Variants in NELL1 observed in about 807,000 individuals in gnomAD.
NELL1 encodes the protein protein kinase C-binding protein NELL1.
A neutral mutation model predicts 107.4 loss-of-function variants in NELL1; 76 were observed. The observed-to-expected ratio is 0.71, with a 90% CI of 0.59 to 0.86. The LOEUF (loss-of-function observed/expected upper bound fraction) is 0.86, where lower values mean the gene tolerates loss of function less well. Among genes scored for constraint, NELL1 ranks in the 40% least tolerant of loss-of-function variants. NELL1 has a pLI of 0.00. For missense variants in NELL1, 1,024 were observed against 1,005.5 expected (o/e 1.02, Z -0.25); for synonymous variants, 353 against 341.2 (o/e 1.03, Z -0.38).
intron 12 of NELL1, among the ~76,000 whole-genome samples, chr11:21,066,555 A>T (rs1490443890): frequency 4.6e-5 from 7 of 152,218 alleles, no homozygotes; most frequent in Non-Finnish European, 1.5e-5. Context: ...CAGCTCACTA[A>T]TCTGTGAAAT....
intron 12 of NELL1, among the ~76,000 whole-genome samples, chr11:21,098,445 A>G (rs1854709728): frequency 1.3e-5 from 2 of 152,176 alleles, no homozygotes; most frequent in Non-Finnish European, 2.9e-5. Flanking sequence ...GCTCCTGGGC[A>G]GCTGAGCTCC....
intron 11 of NELL1, among the ~76,000 whole-genome samples, chr11:20,954,385 T>A (rs1231133962): frequency 6.6e-6 from 1 of 152,174 alleles, no homozygotes; most frequent in East Asian, 1.9e-4. Context: ...CCTATCAAGT[T>A]TCTACCTATT....
At chr11:21,441,332 TGTGTGTGTGTGTGTGTGTGTGTGTG>T (rs1853279349) in intron 15 of NELL1, among the ~76,000 whole-genome samples, 2 of 104,196 alleles carry the variant, frequency 1.9e-5, no homozygotes, top group South Asian at 2.9e-4. Context: ...GGCTGTGACG[TGTGTGTGTGTGTGTGTGTGTGTGTG>T]TGTGTGTGTG....
At chr11:20,848,925 T>C (rs1051418470) in intron 4 of NELL1, among the ~76,000 whole-genome samples, 3 of 152,226 alleles carry the variant, frequency 2.0e-5, no homozygotes, top group African/African-American at 7.2e-5. Flanking sequence ...TTCTGAAGAA[T>C]TGTGGTTTCC....
intron 15 of NELL1, among the ~76,000 whole-genome samples, chr11:21,521,574 G>A (rs189867523): frequency 6.6e-6 from 1 of 152,130 alleles, no homozygotes; most frequent in African/African-American, 2.4e-5. Flanking sequence ...CTCTAGATTT[G>A]TATTTTTTTC....
intron 2 of NELL1, among the ~76,000 whole-genome samples, chr11:20,727,193 A>G (rs1234850474): frequency 6.6e-6 from 1 of 152,182 alleles, no homozygotes; most frequent in Non-Finnish European, 1.5e-5. Flanking sequence ...CAATGGTTGA[A>G]CTAGTTTACA....
At chr11:21,014,346 C>G (rs1205663188) in intron 12 of NELL1, among the ~76,000 whole-genome samples, 1 of 152,078 alleles carries the variant, frequency 6.6e-6, no homozygotes, top group African/African-American at 2.4e-5. Context: ...TTTTCCTTTT[C>G]TTTTCTCCCT....
intron 13 of NELL1, among the ~76,000 whole-genome samples, chr11:21,187,344 G>A (rs948697145): frequency 1.3e-5 from 2 of 151,740 alleles, no homozygotes; most frequent in Non-Finnish European, 2.9e-5. Flanking sequence ...TTTCCTTTTG[G>A]TAATTAGAAT....
At chr11:20,834,100 C>T (rs867793780) in intron 3 of NELL1, among the ~76,000 whole-genome samples, 3 of 151,990 alleles carry the variant, frequency 2.0e-5, no homozygotes, top group Admixed American at 1.3e-4. Flanking sequence ...TGGAATGGGC[C>T]GGCGTGGATT....
chr11:20,918,146 T>C, intron 5 of NELL1, 36 bp from the exon 6 acceptor site: 1 of 1,215,250 alleles, frequency 8.2e-7, no homozygotes, highest in South Asian at 1.2e-5. Flanking sequence ...CTGGTGACTG[T>C]AATCTTGATT....
chr11:21,101,376 A>G (rs1854807417), intron 12 of NELL1, among the ~76,000 whole-genome samples: 1 of 152,200 alleles, frequency 6.6e-6, no homozygotes, highest in Non-Finnish European at 1.5e-5. Context: ...GCTGGGTCAA[A>G]TGGTATTTCT....
At chr11:21,128,773 G>A (rs972257206) in intron 13 of NELL1, among the ~76,000 whole-genome samples, 1 of 152,156 alleles carries the variant, frequency 6.6e-6, no homozygotes, top group African/African-American at 2.4e-5. Flanking sequence ...AGGCTGAGTG[G>A]TATACAGTAC....
intron 3 of NELL1, among the ~76,000 whole-genome samples, chr11:20,822,444 G>A (rs1519742): frequency 0.67 from 102,469 of 152,122 alleles, 35,183 homozygotes; most frequent in Non-Finnish European, 0.75. Flanking sequence ...GAATGAATGC[G>A]ACAAACTTTT....
At chr11:21,112,673 G>A (rs115760965) in intron 12 of NELL1, among the ~76,000 whole-genome samples, 1,549 of 152,004 alleles carry the variant, frequency 0.01, 25 homozygotes, top group African/African-American at 0.034. Flanking sequence ...ATAAAACATT[G>A]GGTTCAGAAT....
intron 9 of NELL1, among the ~76,000 whole-genome samples, chr11:20,936,503 A>G (rs1313096128): frequency 6.6e-6 from 1 of 152,186 alleles, no homozygotes; most frequent in Non-Finnish European, 1.5e-5. Flanking sequence ...GAAGGGAGGA[A>G]TGAAAGCCCC....
rs183357021 is a variant in NELL1, at chr11:21,028,501, C to T, written c.1300+67941C>T. ...AGTGATAACAGGTAATGCCCACTGA[C>T]GAAATGAAAAGCTAGGATTGCCAAA... On this transcript the variant is annotated intron_variant, in intron 12 of 19. Coordinates refer to ENST00000357134, the MANE Select transcript of NELL1 (RefSeq NM_006157.5). 2.4e-3 allele frequency among the ~76,000 whole-genome samples: 367 copies of T among 152,178 alleles called. 2 individuals are homozygous for T. The highest frequency in any genetic ancestry group is 6.8e-3 in the Middle Eastern group (2 of 292).
chr11:21,282,569 T>A (rs1388697083), intron 14 of NELL1, among the ~76,000 whole-genome samples: 2 of 151,938 alleles, frequency 1.3e-5, no homozygotes, highest in African/African-American at 4.8e-5. Flanking sequence ...CCAACACTGT[T>A]GGTGGGAATG....
chr11:21,266,852 T>C (rs1848646175), intron 14 of NELL1, among the ~76,000 whole-genome samples: 2 of 152,240 alleles, frequency 1.3e-5, no homozygotes, highest in East Asian at 1.9e-4. Flanking sequence ...TAGACTCACC[T>C]CAAATTTACC....
At chr11:20,698,181 C>A (rs1201555465) in intron 2 of NELL1, among the ~76,000 whole-genome samples, 3 of 152,102 alleles carry the variant, frequency 2.0e-5, no homozygotes, top group Non-Finnish European at 2.9e-5. Context: ...TTTGCTCTTG[C>A]CAAATAAAAG....
Sources: allele counts gnomAD v4.1 joint callset (sites outside exome capture counted in the v4.1 genomes callset), GRCh38; gene constraint gnomAD v4.1.1; transcripts MANE v1.5; gene names NCBI Gene and HGNC (gene_info 2026-07-23, HGNC 2026-07-21).